Variants in SLC15A1 observed in about 807,000 individuals in gnomAD.
The protein encoded by SLC15A1 is Caco-2 oligopeptide transporter.
SLC15A1 carries 83 observed loss-of-function variants against 92.9 expected under a neutral mutation model. The observed-to-expected ratio is 0.89, with a 90% CI of 0.75 to 1.07. The LOEUF is 1.07. Among genes scored for constraint, SLC15A1 ranks in the 50% least tolerant of loss-of-function variants. The probability of loss-of-function intolerance (pLI) is 0.00; values close to 1 mark genes in which losing one functional copy is unlikely to be tolerated. For missense variants in SLC15A1, 857 were observed against 880.1 expected (o/e 0.97, Z 0.33); for synonymous variants, 322 against 318.2 (o/e 1.01, Z -0.13).
rs1318190023 is a variant in SLC15A1, at chr13:98,746,171, G to A, written c.4+6424C>T. ...TAGTTTGCTGAGGATAATGGCCTCC[G>A]GCTCCATCCATGTTCCTATAAAGGA... On this transcript the variant is annotated intron_variant, in intron 1 of 22. Coordinates refer to ENST00000376503, the MANE Select transcript of SLC15A1 (RefSeq NM_005073.4). 2.6e-5 allele frequency among the ~76,000 whole-genome samples: 4 copies of A among 152,012 alleles called. 1 individual carries two copies. The highest frequency in any genetic ancestry group is 1.5e-5 in the Non-Finnish European group (1 of 67,996).
At chr13:98,714,428 G>A (rs1340037199) in intron 9 of SLC15A1, among the ~76,000 whole-genome samples, 4 of 151,960 alleles carry the variant, frequency 2.6e-5, no homozygotes, top group African/African-American at 9.7e-5. Context: ...AGGCTGAGGC[G>A]GGCGGATCAC....
At chr13:98,722,472 A>G (rs2088268413) in intron 5 of SLC15A1, among the ~76,000 whole-genome samples, 1 of 75,040 alleles carries the variant, frequency 1.3e-5, no homozygotes, top group African/African-American at 7.8e-5. Flanking sequence ...TAAGTATTTT[A>G]ACTCCTGAGT....
chr13:98,686,393 C>G (rs2087929867), intron 21 of SLC15A1, 96 bp from the exon 22 acceptor site: 4 of 802,962 alleles, frequency 5.0e-6, no homozygotes, highest in African/African-American at 1.7e-5. Flanking sequence ...GCAGATCACC[C>G]TAACAATGCA....
At chr13:98,692,525 A>T (rs1327217445) in intron 18 of SLC15A1, among the ~76,000 whole-genome samples, 1 of 152,070 alleles carries the variant, frequency 6.6e-6, no homozygotes, top group Non-Finnish European at 1.5e-5. Flanking sequence ...TACTTTGCTG[A>T]TGTCTCTTTC....
At chr13:98,689,910 C>T (rs371118201) in intron 18 of SLC15A1, among the ~76,000 whole-genome samples, 6 of 152,314 alleles carry the variant, frequency 3.9e-5, no homozygotes, top group Admixed American at 6.5e-5. Context: ...CGTGAGGCTA[C>T]GCTTCATATG....
intron 18 of SLC15A1, among the ~76,000 whole-genome samples, chr13:98,688,882 A>T (rs1336259424): frequency 6.6e-6 from 1 of 152,172 alleles, no homozygotes; most frequent in Admixed American, 6.5e-5. Context: ...ACTGAAGTAG[A>T]TACTGAGCCT....
At position 98,688,316 on chromosome 13, in the gene SLC15A1, A is replaced by C; in HGVS notation, c.1615T>G (p.Cys539Gly). 6.2e-7 allele frequency: 1 copy of C among 1,614,106 alleles called. No individual in the cohort carries two copies. The highest frequency in any genetic ancestry group is 8.5e-7 in the Non-Finnish European group (1 of 1,179,996). The change falls in exon 20 of 23, where the codon TGT (cysteine) becomes GGT (glycine). Residue 539 changes from cysteine to glycine, a missense_variant. By Grantham distance (159) the Cys-to-Gly change is radical (BLOSUM62 -3). Coordinates refer to ENST00000376503, the MANE Select transcript of SLC15A1 (RefSeq NM_005073.4). ...TISSTEIPPQ[C>G]QPNFNTFYLE... is the part of the protein sequence containing the mutation. ...TAGAAAGTATTGAAATTAGGTTGACATTGTGGCGGAATCTCTGTTGAGCTT... is the reference window on the plus strand; with the variant it reads ...TAGAAAGTATTGAAATTAGGTTGACCTTGTGGCGGAATCTCTGTTGAGCTT...
rs771426478 is a variant in SLC15A1 at position 98,703,539 on chromosome 13, C to CTT, written c.1416+748_1416+749dup. 3.2e-3 allele frequency among the ~76,000 whole-genome samples: 276 copies of CTT among 85,402 alleles called. 20 individuals carry two copies. The highest frequency in any genetic ancestry group is 7.4e-3 in the African/African-American group (113 of 15,176). The allele number at this position is 85,402 out of a possible 152,430, so 56.0% of individuals were successfully genotyped here. Reference sequence around the variant, plus strand: ...TATACCTTTGTAGCTGCTGCTGCTGCTTTTTTTTTTTTTTTTTTTTTTTTT... The same window carrying CTT: ...TATACCTTTGTAGCTGCTGCTGCTGCTTTTTTTTTTTTTTTTTTTTTTTTTTT... On this transcript the variant is annotated intron_variant, in intron 17 of 22. Coordinates refer to ENST00000376503, the MANE Select transcript of SLC15A1 (RefSeq NM_005073.4).
At chr13:98,702,863 A>AATC (rs970891668) in intron 17 of SLC15A1, among the ~76,000 whole-genome samples, 1 of 149,816 alleles carries the variant, frequency 6.7e-6, no homozygotes, top group Non-Finnish European at 1.5e-5. Context: ...TGGGAGGGAG[A>AATC]ATCATTTGTT....
At chr13:98,711,826 G>A in intron 11 of SLC15A1, 28 bp downstream of exon 11, 1 of 1,548,846 alleles carries the variant, frequency 6.5e-7, no homozygotes, top group Non-Finnish European at 8.9e-7. Context: ...GCTCCGTGAA[G>A]AAGAGCACAA....
intron 1 of SLC15A1, among the ~76,000 whole-genome samples, chr13:98,752,261 C>A (rs1257989728): frequency 6.6e-6 from 1 of 152,270 alleles, no homozygotes. Flanking sequence ...CCGCCCCTGC[C>A]GTCACCCGCT....
chr13:98,735,015 G>T (rs536897032), intron 1 of SLC15A1, among the ~76,000 whole-genome samples: 3 of 152,260 alleles, frequency 2.0e-5, no homozygotes, highest in East Asian at 3.9e-4. Flanking sequence ...CCAAAGTCTG[G>T]CAGAGACACA....
intron 16 of SLC15A1, among the ~76,000 whole-genome samples, chr13:98,705,793 A>G (rs1419678417): frequency 2.6e-5 from 4 of 152,010 alleles, no homozygotes; most frequent in Non-Finnish European, 5.9e-5. Context: ...TCAGGAGGCT[A>G]AGGCAGAAGA....
At chr13:98,746,104 C>T (rs2088490987) in intron 1 of SLC15A1, among the ~76,000 whole-genome samples, 1 of 152,122 alleles carries the variant, frequency 6.6e-6, no homozygotes, top group Non-Finnish European at 1.5e-5. Context: ...TTCGCTGCTG[C>T]TTATACGTGG....
chr13:98,717,037 T>A (rs1182665654), intron 8 of SLC15A1, among the ~76,000 whole-genome samples: 3 of 152,198 alleles, frequency 2.0e-5, no homozygotes, highest in Non-Finnish European at 4.4e-5. Context: ...TATTAAAAAA[T>A]TTTTAAAAAT....
chr13:98,721,614 C>G, intron 6 of SLC15A1, 29 bp from the exon 7 acceptor site: 1 of 1,510,352 alleles, frequency 6.6e-7, no homozygotes, highest in East Asian at 2.3e-5. Flanking sequence ...AGTAAGATGA[C>G]TTTGGCTATC....
At chr13:98,687,745 CAGA>C (rs771063295) in intron 20 of SLC15A1, 21 bp from the exon 21 acceptor site, 21 of 1,607,312 alleles carry the variant, frequency 1.3e-5, no homozygotes, top group Middle Eastern at 1.7e-4. Context: ...AAGGCAAAAG[CAGA>C]AGAAGTTGAG....
intron 1 of SLC15A1, among the ~76,000 whole-genome samples, chr13:98,729,007 C>CAAAAAAAAAAAAAAAAAAAAAAAAAA (rs1176117196): frequency 2.9e-5 from 2 of 69,654 alleles, no homozygotes; most frequent in Non-Finnish European, 5.8e-5. Flanking sequence ...AAAAAAAAAA[C>CAAAAAAAAAAAAAAAAAAAAAAAAAA]AACAAGCCCC....
At chr13:98,739,037 G>T (rs1406302691) in intron 1 of SLC15A1, among the ~76,000 whole-genome samples, 3 of 152,234 alleles carry the variant, frequency 2.0e-5, no homozygotes, top group Non-Finnish European at 4.4e-5. Flanking sequence ...TAGAATTACA[G>T]GAAACTATTT....
Sources: allele counts gnomAD v4.1 joint callset (sites outside exome capture counted in the v4.1 genomes callset), GRCh38; gene constraint gnomAD v4.1.1; transcripts MANE v1.5; gene names NCBI Gene and HGNC (gene_info 2026-07-23, HGNC 2026-07-21).